Variants in CAMTA1 observed in about 807,000 individuals in gnomAD.
The protein encoded by CAMTA1 is calmodulin-binding transcription activator 1.
CAMTA1 carries 27 observed loss-of-function variants against 170.9 expected under a neutral mutation model. The observed-to-expected ratio is 0.16, with a 90% CI of 0.12 to 0.22. CAMTA1 has a LOEUF of 0.22. Among genes scored for constraint, CAMTA1 ranks in the 10% least tolerant of loss-of-function variants. The pLI is 1.00. For synonymous variants in CAMTA1, 833 were observed against 891.5 expected, an observed-to-expected ratio of 0.93 and a Z score of 1.17; for missense variants, 1,619 against 2,217.2, an observed-to-expected ratio of 0.73 and a Z score of 5.42.
intron 5 of CAMTA1, among the ~76,000 whole-genome samples, chr1:7,355,525 C>A (rs2085043949): frequency 6.6e-6 from 1 of 152,260 alleles, no homozygotes; most frequent in Non-Finnish European, 1.5e-5. Flanking sequence ...AACCCTTACA[C>A]CCCTACCCCC....
At position 7,580,511 on chromosome 1, in the gene CAMTA1, C is replaced by T. The variant is rs1335467534; in HGVS notation, c.511-59889C>T. Reference sequence around the variant, plus strand: ...AGACATCATGGAGACCTCAGAGACACACAGCCCTCTTCCCATGAGCCAGGT... The same window carrying T: ...AGACATCATGGAGACCTCAGAGACATACAGCCCTCTTCCCATGAGCCAGGT... On this transcript the variant is annotated intron_variant, in intron 6 of 22. Transcript: ENST00000303635. The surrounding 1 kb of genome is among the most constrained non-coding windows in gnomAD (Gnocchi z 4.3). 6.6e-6 allele frequency among the ~76,000 whole-genome samples: 1 copy of T among 152,154 alleles called. No homozygotes were observed. The highest frequency in any genetic ancestry group is 1.5e-5 in the Non-Finnish European group (1 of 68,012).
intron 19 of CAMTA1, 35 bp downstream of exon 19, chr1:7,747,816 T>A (rs778597828): frequency 2.6e-6 from 4 of 1,511,626 alleles, no homozygotes; most frequent in African/African-American, 2.8e-5. Flanking sequence ...AAGGAAACTG[T>A]GCCCCACCCA....
At chr1:7,133,191 C>T (rs1645360593) in intron 4 of CAMTA1, among the ~76,000 whole-genome samples, 2 of 152,130 alleles carry the variant, frequency 1.3e-5, no homozygotes, top group South Asian at 4.1e-4. Context: ...TAGCATTCAT[C>T]AGTGAAATAC....
chr1:6,873,158 A>G (rs1349996407), intron 3 of CAMTA1, among the ~76,000 whole-genome samples: 1 of 152,166 alleles, frequency 6.6e-6, no homozygotes, highest in African/African-American at 2.4e-5. Flanking sequence ...AGAAATACAA[A>G]TAGGTAAACC....
intron 11 of CAMTA1, among the ~76,000 whole-genome samples, chr1:7,688,950 A>C (rs1438660169): frequency 6.6e-6 from 1 of 152,186 alleles, no homozygotes; most frequent in Admixed American, 6.5e-5. Flanking sequence ...ACCATACTTC[A>C]TGAATAACAG....
chr1:7,669,012 G>A (rs1219807077), intron 9 of CAMTA1, among the ~76,000 whole-genome samples: 1 of 152,094 alleles, frequency 6.6e-6, no homozygotes, highest in African/African-American at 2.4e-5. Flanking sequence ...CCAATGCCCC[G>A]CCACTTCCAC....
chr1:7,256,514 C>T (rs1001277783), intron 5 of CAMTA1, among the ~76,000 whole-genome samples: 7 of 152,152 alleles, frequency 4.6e-5, no homozygotes, highest in African/African-American at 1.7e-4. Flanking sequence ...GAGCTGAGAT[C>T]GCGCCACTGC....
chr1:7,047,146 C>T (rs1705514650), intron 3 of CAMTA1, among the ~76,000 whole-genome samples: 1 of 152,180 alleles, frequency 6.6e-6, no homozygotes. Flanking sequence ...CCCTGAGTGA[C>T]TACATGGAGT....
At chr1:7,082,226 T>G (rs1640108957) in intron 3 of CAMTA1, among the ~76,000 whole-genome samples, 1 of 152,054 alleles carries the variant, frequency 6.6e-6, no homozygotes, top group Non-Finnish European at 1.5e-5. Flanking sequence ...TCTCTTGAGG[T>G]CAGGAGTTTG....
intron 3 of CAMTA1, among the ~76,000 whole-genome samples, chr1:6,960,731 G>A (rs1690255778): frequency 6.6e-6 from 1 of 152,214 alleles, no homozygotes; most frequent in African/African-American, 2.4e-5. Flanking sequence ...GTGTCATTGT[G>A]CCTGGGGCAG....
intron 9 of CAMTA1, among the ~76,000 whole-genome samples, chr1:7,670,682 C>G (rs1264638460): frequency 6.6e-6 from 1 of 152,220 alleles, no homozygotes; most frequent in Non-Finnish European, 1.5e-5. Flanking sequence ...CTGGGGCTTC[C>G]TGAGGGGCTG....
chr1:7,190,122 G>A (rs1052649779), intron 4 of CAMTA1, among the ~76,000 whole-genome samples: 5 of 152,152 alleles, frequency 3.3e-5, no homozygotes, highest in African/African-American at 1.2e-4. Context: ...TGGATTTTGC[G>A]GACTCGGGGG....
At chr1:7,264,420 C>T (rs950771424) in intron 5 of CAMTA1, among the ~76,000 whole-genome samples, 4 of 152,154 alleles carry the variant, frequency 2.6e-5, no homozygotes, top group African/African-American at 4.8e-5. Context: ...TTCCTTCTGG[C>T]GCAGGAGTTG....
intron 5 of CAMTA1, among the ~76,000 whole-genome samples, chr1:7,347,912 T>C (rs1208725990): frequency 6.6e-6 from 1 of 152,236 alleles, no homozygotes; most frequent in Non-Finnish European, 1.5e-5. Context: ...AAAGACTGTA[T>C]TTCCAAATCA....
At chr1:7,434,228 G>A (rs1439797434) in intron 5 of CAMTA1, among the ~76,000 whole-genome samples, 2 of 152,182 alleles carry the variant, frequency 1.3e-5, no homozygotes, top group Non-Finnish European at 2.9e-5. Flanking sequence ...TTTCCCAAGG[G>A]ATCAGCTCAT....
chr1:7,663,591 G>T lies in CAMTA1; in HGVS notation c.1044G>T (p.Gln348His). The T allele has an allele frequency of 6.2e-7, 1 of 1,614,028 alleles. No individual in the cohort carries two copies. Among genetic ancestry groups the T allele is most frequent in the African/African-American group, 1.3e-5 (1 of 75,046 alleles). ...GCACCGAGGTCTCCTCCACCAACCA[G>T]GTGGAAGTCCCCGACACCACCCAGA... Reference protein sequence around the residue: ...QSSTEVSSTNQVEVPDTTQSS... With the variant: ...QSSTEVSSTNHVEVPDTTQSS... The change falls in exon 9 of 23, where the codon CAG becomes CAT. Residue 348 changes from glutamine (Q) to histidine (H), a missense_variant. This residue lies in a region of CAMTA1 where 731 missense variants were observed against 907.6 expected (regional missense o/e 0.81). Transcript: ENST00000303635.
At chr1:7,733,671 C>CG (rs2096750219) in intron 12 of CAMTA1, among the ~76,000 whole-genome samples, 1 of 151,612 alleles carries the variant, frequency 6.6e-6, no homozygotes, top group Admixed American at 6.6e-5. Context: ...TCAGTCGTTG[C>CG]AAAAAAAACC....
At chr1:7,274,485 T>C (rs1031749831) in intron 5 of CAMTA1, among the ~76,000 whole-genome samples, 1 of 152,206 alleles carries the variant, frequency 6.6e-6, no homozygotes, top group Non-Finnish European at 1.5e-5. Context: ...GAAGAATGGA[T>C]AAATTTCACA....
intron 8 of CAMTA1, among the ~76,000 whole-genome samples, 173 bp downstream of exon 8, chr1:7,662,039 C>A (rs6698334): frequency 2.0e-5 from 3 of 152,172 alleles, no homozygotes; most frequent in South Asian, 2.1e-4. Context: ...GCAGGCCTTC[C>A]GCCTCGTCCT....
Sources: allele counts gnomAD v4.1 joint callset (sites outside exome capture counted in the v4.1 genomes callset), GRCh38; gene constraint gnomAD v4.1.1; regional missense constraint gnomAD v4.1.1; non-coding constraint Gnocchi (gnomAD v3.1); transcripts MANE v1.5; gene names NCBI Gene and HGNC (gene_info 2026-07-23, HGNC 2026-07-21).